The following PGM2L1 variants were observed in gnomAD, a reference collection of about 807,000 sequenced individuals.
The protein encoded by PGM2L1 is phosphoglucomutase 2 like 1.
Under a neutral mutation model 73.4 loss-of-function variants are expected in PGM2L1, and 35 were observed. The observed-to-expected ratio is 0.48, with a 90% confidence interval of 0.36 to 0.63. The LOEUF (loss-of-function observed/expected upper bound fraction) is 0.63. PGM2L1 is among the 30% of genes least tolerant of loss of function. The probability of loss-of-function intolerance (pLI) is 0.00; values close to 1 mark genes in which losing one functional copy is unlikely to be tolerated. For missense variants in PGM2L1, 570 were observed against 742.0 expected, an observed-to-expected ratio of 0.77 and a Z score of 2.69; for synonymous variants, 225 against 253.8, an observed-to-expected ratio of 0.89 and a Z score of 1.08.
In PGM2L1 at chr11:74,346,602, T is replaced by C. The variant is rs519083; in HGVS notation, c.1037+130A>G. On this transcript the variant is annotated intron_variant, in intron 8 of 13. Coordinates refer to ENST00000298198, the MANE Select transcript of PGM2L1 (RefSeq NM_173582.6). ...AAAGTATCAACTTAGGTGGTTATTT[T>C]GGGATAATGGATTTACAGGAAATTT... 0.63 allele frequency: 400,559 copies of C among 633,872 alleles called. 128,545 individuals carry two copies. Among genetic ancestry groups the C allele is most frequent in the East Asian group, 0.76 (29,266 of 38,686 alleles). 39.3% of individuals were successfully genotyped at this position (633,872 alleles called of 1,614,324 possible).
intron 5 of PGM2L1, among the ~76,000 whole-genome samples, chr11:74,355,897 T>C (rs1449353000): frequency 2.0e-5 from 3 of 152,194 alleles, no homozygotes; most frequent in Admixed American, 6.5e-5. Flanking sequence ...ACTCGAGGAC[T>C]GTATTTGTGA....
At chr11:74,394,444 C>T (rs539636809) in intron 1 of PGM2L1, among the ~76,000 whole-genome samples, 3 of 152,242 alleles carry the variant, frequency 2.0e-5, no homozygotes, top group African/African-American at 7.2e-5. Context: ...GTAAATTTAC[C>T]AACAGAAAGC....
chr11:74,383,875 G>T (rs1258707530), intron 1 of PGM2L1, among the ~76,000 whole-genome samples: 4 of 133,594 alleles, frequency 3.0e-5, no homozygotes, highest in Admixed American at 1.5e-4. Flanking sequence ...TCACCGATGG[G>T]TATTTGGGTT....
At position 74,336,785 on chromosome 11, in the gene PGM2L1, T is replaced by C. The variant is rs755187377; in HGVS notation, c.1767-31A>G. On this transcript the variant is annotated intron_variant, in intron 13 of 13. Transcript: ENST00000298198. Reference sequence around the variant, plus strand: ...GAAAAGATGAAGAGTTTTGGAATTATTTATTTTCATAGGCTTAAAATTTAT... The same window carrying C: ...GAAAAGATGAAGAGTTTTGGAATTACTTATTTTCATAGGCTTAAAATTTAT... 6.9e-6 allele frequency: 10 copies of C among 1,458,266 alleles called. No individual in the cohort carries two copies. In the East Asian group the frequency reaches 1.4e-4, roughly 20 times the overall value. The allele number at this position is 1,458,266 out of a possible 1,614,324, so 90.3% of individuals were successfully genotyped here. A position where few individuals can be genotyped will look rare whatever the true frequency, so the allele number is the denominator to read the frequency against.
chr11:74,397,974 G>T (rs1350214882), intron 1 of PGM2L1, 77 bp downstream of exon 1: 1 of 1,449,720 alleles, frequency 6.9e-7, no homozygotes, highest in Admixed American at 2.5e-5. Context: ...GCAGCCCGCG[G>T]GGCGCTGGGT....
At position 74,330,547 on chromosome 11, in the gene PGM2L1, A is replaced by T. The variant is rs8471; in HGVS notation, c.*6105T>A. ...AAAATAATTCATTCTTGACTGCATA[A>T]ATTTTACCTGGCATATTCAATGAGG... On this transcript the variant is annotated 3_prime_UTR_variant, in exon 14 of 14. Transcript: ENST00000298198. 133,934 of 152,676 alleles carry T rather than the reference A, an allele frequency of 0.88. 59,091 individuals are homozygous for T. The highest frequency in any genetic ancestry group is 0.97 in the African/African-American group (40,313 of 41,572). 9.5% of individuals were successfully genotyped at this position (152,676 alleles called of 1,614,324 possible).
Position 74,342,596 on chromosome 11 carries a change from G to A in PGM2L1, c.1497C>T (p.Thr499=). The change falls in exon 12 of 14, where the codon ACC becomes ACT. Residue 499 remains threonine, a synonymous_variant. Coordinates refer to ENST00000298198, the MANE Select transcript of PGM2L1 (RefSeq NM_173582.6). ...TSYFLCYEPP[T]IKSIFERLRN... is the part of the protein sequence containing the mutation. ...GAAGCCTTTCAAATATACTTTTGAT[G>A]GTAGGTGGTTCATAACACAAGAAAT... 1 of 1,603,692 alleles carries A rather than the reference G, an allele frequency of 6.2e-7. No homozygotes were observed. The highest frequency in any genetic ancestry group is 8.5e-7 in the Non-Finnish European group (1 of 1,174,344).
chr11:74,382,565 C>G (rs1413154776), intron 1 of PGM2L1, among the ~76,000 whole-genome samples: 1 of 152,062 alleles, frequency 6.6e-6, no homozygotes, highest in Non-Finnish European at 1.5e-5. Context: ...GTGGTGCAAA[C>G]ACAGCTCACT....
chr11:74,360,294 T>G (rs200801890), intron 5 of PGM2L1, among the ~76,000 whole-genome samples: 57 of 92,632 alleles, frequency 6.2e-4, no homozygotes, highest in Middle Eastern at 5.7e-3. Context: ...GGGAGGGAGG[T>G]AGGGAGGGAG....
intron 5 of PGM2L1, among the ~76,000 whole-genome samples, chr11:74,353,183 TG>T (rs746750722): frequency 5.4e-5 from 7 of 130,280 alleles, no homozygotes; most frequent in African/African-American, 1.5e-4. Flanking sequence ...AATGTTTTTT[TG>T]TGTGTGTGTG....
At chr11:74,365,434 C>T (rs934133397) in intron 5 of PGM2L1, among the ~76,000 whole-genome samples, 1 of 152,042 alleles carries the variant, frequency 6.6e-6, no homozygotes, top group African/African-American at 2.4e-5. Context: ...AGGCAACCTA[C>T]AGAATGGGAG....
chr11:74,394,880 T>C (rs1396635353), intron 1 of PGM2L1, among the ~76,000 whole-genome samples: 1 of 152,240 alleles, frequency 6.6e-6, no homozygotes, highest in Non-Finnish European at 1.5e-5. Context: ...ATCTGAGTCA[T>C]GAAGAATTGG....
At chr11:74,378,386 C>T (rs1862889489) in intron 1 of PGM2L1, among the ~76,000 whole-genome samples, 1 of 152,046 alleles carries the variant, frequency 6.6e-6, no homozygotes, top group African/African-American at 2.4e-5. Flanking sequence ...AAAGTAAATG[C>T]ATTCAATCTG....
At chr11:74,363,203 C>T (rs1262164623) in intron 5 of PGM2L1, among the ~76,000 whole-genome samples, 1 of 152,136 alleles carries the variant, frequency 6.6e-6, no homozygotes, top group Non-Finnish European at 1.5e-5. Flanking sequence ...AGAACAAAGA[C>T]ACAACATACC....
chr11:74,358,203 T>G (rs1787946960), intron 5 of PGM2L1, among the ~76,000 whole-genome samples: 1 of 152,230 alleles, frequency 6.6e-6, no homozygotes, highest in Non-Finnish European at 1.5e-5. Flanking sequence ...AGGCTCATCA[T>G]ATGTACCACT....
At position 74,374,471 on chromosome 11, in the gene PGM2L1, C is replaced by G; in HGVS notation, c.223G>C (p.Ala75Pro). ...ATATAGCAAAACCCTGCCCCCATGG[C>G]AGAACGAAGTCCTGCAGTCCCAAAA... is the stretch of plus-strand genomic sequence containing the variant. ...MTFGTAGLRS[A>P]MGAGFCYIND... The change falls in exon 2 of 14, where the codon GCC (alanine) becomes CCC (proline). Residue 75 changes from alanine (A) to proline (P), a missense_variant. Coordinates refer to ENST00000298198, the MANE Select transcript of PGM2L1 (RefSeq NM_173582.6). The G allele has an allele frequency of 6.2e-7, 1 of 1,614,130 alleles. No homozygotes were observed. Among genetic ancestry groups the G allele is most frequent in the Non-Finnish European group, 8.5e-7 (1 of 1,179,958 alleles).
Position 74,398,329 on chromosome 11 carries a change from G to C in PGM2L1, c.-168C>G, listed in dbSNP as rs1863215213. On this transcript the variant is annotated 5_prime_UTR_variant, in exon 1 of 14. Coordinates refer to ENST00000298198, the MANE Select transcript of PGM2L1 (RefSeq NM_173582.6). The stretch of plus-strand genomic sequence containing the variant: ...GCTCCTGCCGCGGCGTCAGGGAACC[G>C]GGAGAGAGGGGGTTTATGGCCGCCT... 3.8e-5 allele frequency: 41 copies of C among 1,076,964 alleles called. No individual in the cohort carries two copies. The South Asian group carries it at 9.2e-4, about 24-fold the overall frequency. The allele number at this position is 1,076,964 out of a possible 1,614,324, so 66.7% of individuals were successfully genotyped here. A position where few individuals can be genotyped will look rare whatever the true frequency, so the allele number is the denominator to read the frequency against.
chr11:74,375,922 T>C (rs902651896), intron 1 of PGM2L1, among the ~76,000 whole-genome samples: 2 of 152,156 alleles, frequency 1.3e-5, no homozygotes, highest in African/African-American at 4.8e-5. Flanking sequence ...TGATATTTCA[T>C]AGAGAGGCCA....
intron 13 of PGM2L1, among the ~76,000 whole-genome samples, chr11:74,337,042 G>A (rs575405250): frequency 3.7e-4 from 57 of 152,254 alleles, no homozygotes; most frequent in African/African-American, 1.3e-3. Flanking sequence ...GGAGAATGAG[G>A]TTCTAATGGC....
Sources: gnomAD v4.1 joint callset for allele counts (sites outside exome capture counted in the v4.1 genomes callset) on GRCh38, gnomAD v4.1.1 for gene constraint, MANE v1.5 for transcripts, NCBI Gene and HGNC (gene_info 2026-07-23, HGNC 2026-07-21) for gene names.